Variants in SUMF1 observed in about 807,000 individuals in gnomAD.
SUMF1 encodes the protein sulfatase modifying factor 1, also known as formylglycine-generating enzyme.
In SUMF1, 48 loss-of-function variants were observed where a neutral mutation model predicts 47.6. The observed-to-expected ratio is 1.01, with a 90% CI of 0.80 to 1.28. The LOEUF (loss-of-function observed/expected upper bound fraction) is 1.28. SUMF1 is among the 50% of genes most tolerant of loss of function. SUMF1 has a pLI of 0.00. For missense variants in SUMF1, 571 were observed against 485.4 expected, an observed-to-expected ratio of 1.18 and a Z score of -1.66; for synonymous variants, 230 against 192.1, an observed-to-expected ratio of 1.20 and a Z score of -1.63.
intron 8 of SUMF1, among the ~76,000 whole-genome samples, chr3:4,166,394 C>T (rs1694706961): frequency 6.6e-6 from 1 of 152,112 alleles, no homozygotes; most frequent in Admixed American, 6.5e-5. Flanking sequence ...ATCCTAGCTT[C>T]ATGAATAGCC....
chr3:4,116,121 T>C (rs1019090149), intron 8 of SUMF1, among the ~76,000 whole-genome samples: 1 of 152,136 alleles, frequency 6.6e-6, no homozygotes, highest in African/African-American at 2.4e-5. Flanking sequence ...AGGCCACAGT[T>C]AACATCATCC....
chr3:4,116,656 A>G lies in SUMF1; in HGVS notation c.1015-47911T>C, dbSNP rs575524584. Among the ~76,000 whole-genome samples the G allele has an allele frequency of 2.0e-5, 3 of 152,250 alleles. No individual in the cohort carries two copies. In the East Asian group the frequency reaches 5.8e-4, roughly 29 times the overall value. On this transcript the variant is annotated intron_variant and NMD_transcript_variant, in intron 8 of 12. Coordinates refer to the SUMF1 transcript ENST00000448413. ...TATCCTTTCTTTTATATGAAAAGCA[A>G]TAAACCAGTGACCCATGCTTTTCAC...
intron 8 of SUMF1, among the ~76,000 whole-genome samples, chr3:4,188,837 C>G (rs1232184468): frequency 6.6e-6 from 1 of 152,036 alleles, no homozygotes; most frequent in Non-Finnish European, 1.5e-5. Flanking sequence ...ACATGGTATC[C>G]CTATTATGCC....
At chr3:4,251,233 A>C (rs1177269135) in intron 8 of SUMF1, among the ~76,000 whole-genome samples, 2 of 152,216 alleles carry the variant, frequency 1.3e-5, no homozygotes, top group Admixed American at 6.5e-5. Flanking sequence ...GGAGGAAGTA[A>C]CTGCCTATGT....
At chr3:4,049,720 T>C (rs1472081505) in intron 9 of SUMF1, among the ~76,000 whole-genome samples, 1 of 152,126 alleles carries the variant, frequency 6.6e-6, no homozygotes, top group Non-Finnish European at 1.5e-5. Context: ...GCGGGCAGCT[T>C]ATCTGTTAAC....
At chr3:4,381,725 C>G (rs910969806) in intron 7 of SUMF1, among the ~76,000 whole-genome samples, 3 of 152,084 alleles carry the variant, frequency 2.0e-5, no homozygotes, top group Non-Finnish European at 2.9e-5. Flanking sequence ...ATAATTAATG[C>G]AGAAAGAGTA....
At chr3:4,201,767 G>A (rs748733211) in intron 8 of SUMF1, among the ~76,000 whole-genome samples, 6 of 151,888 alleles carry the variant, frequency 4.0e-5, no homozygotes, top group African/African-American at 9.7e-5. Context: ...CCAACAGTAC[G>A]AGGGTTCCCT....
intron 1 of SUMF1, among the ~76,000 whole-genome samples, chr3:4,455,034 T>G (rs1703109053): frequency 6.6e-6 from 1 of 152,240 alleles, no homozygotes; most frequent in Non-Finnish European, 1.5e-5. Flanking sequence ...TAAAAACCAC[T>G]GAATTGTACA....
At chr3:4,457,007 TACGTGTGTGTAC>T (rs1559313205) in intron 1 of SUMF1, among the ~76,000 whole-genome samples, 2 of 143,696 alleles carry the variant, frequency 1.4e-5, no homozygotes, top group Non-Finnish European at 3.0e-5. Flanking sequence ...TGTATATATA[TACGTGTGTGTAC>T]ATATATATAC....
At chr3:4,334,487 A>G (rs13096900) in intron 8 of SUMF1, among the ~76,000 whole-genome samples, 1 of 152,224 alleles carries the variant, frequency 6.6e-6, no homozygotes, top group African/African-American at 2.4e-5. Flanking sequence ...GAGGGTATAG[A>G]CCACATTTCT....
intron 8 of SUMF1, among the ~76,000 whole-genome samples, chr3:4,289,201 T>A (rs977129342): frequency 2.0e-5 from 3 of 152,236 alleles, no homozygotes; most frequent in African/African-American, 7.2e-5. Flanking sequence ...AAACTCAGAC[T>A]GGAGGTGAAA....
At chr3:4,224,150 G>T (rs561209827) in intron 8 of SUMF1, among the ~76,000 whole-genome samples, 1 of 152,236 alleles carries the variant, frequency 6.6e-6, no homozygotes, top group South Asian at 2.1e-4. Flanking sequence ...AATCAGTCAT[G>T]ATTCCTATGA....
chr3:4,301,655 G>A (rs544932089), intron 8 of SUMF1, among the ~76,000 whole-genome samples: 1 of 152,304 alleles, frequency 6.6e-6, no homozygotes, highest in African/African-American at 2.4e-5. Context: ...TGAAGTGAAG[G>A]AATACAGAGT....
chr3:4,084,902 T>C (rs765475760), intron 8 of SUMF1, among the ~76,000 whole-genome samples: 2 of 152,108 alleles, frequency 1.3e-5, no homozygotes, highest in Non-Finnish European at 2.9e-5. Context: ...TTCCCAGTTT[T>C]CAACATAACA....
At chr3:4,358,141 T>C (rs1699663290), downstream of SUMF1, among the ~76,000 whole-genome samples, 1 of 152,028 alleles carries the variant, frequency 6.6e-6, no homozygotes, top group Admixed American at 6.6e-5. Context: ...TTACCACCCG[T>C]ATTTCCCCCA....
intron 7 of SUMF1, among the ~76,000 whole-genome samples, chr3:4,383,438 G>C (rs1345961540): frequency 2.0e-5 from 3 of 151,946 alleles, no homozygotes; most frequent in East Asian, 1.9e-4. Context: ...CAAATAAATA[G>C]CAAGGGAGGA....
At position 4,055,642 on chromosome 3, in the gene SUMF1, C is replaced by T. The variant is rs74553267; in HGVS notation, c.1191+12927G>A. On this transcript the variant is annotated intron_variant and NMD_transcript_variant, in intron 9 of 12. Transcript: ENST00000448413. ...GGACTACAGATGCACACCACCATGCCCCACTCATTTTTACATTTTTTGTAG... is the reference window on the plus strand; with the variant it reads ...GGACTACAGATGCACACCACCATGCTCCACTCATTTTTACATTTTTTGTAG... 7.5e-3 allele frequency among the ~76,000 whole-genome samples: 1,143 copies of T among 152,156 alleles called. 16 individuals are homozygous for T. Among genetic ancestry groups the T allele is most frequent in the African/African-American group, 0.026 (1,062 of 41,508 alleles).
intron 8 of SUMF1, among the ~76,000 whole-genome samples, chr3:4,288,866 C>T (rs1170964152): frequency 6.6e-6 from 1 of 152,010 alleles, no homozygotes; most frequent in Non-Finnish European, 1.5e-5. Context: ...TTAATTTCTG[C>T]CCCCAAAGGA....
At position 4,075,059 on chromosome 3, in the gene SUMF1, C is replaced by T. The variant is rs139467542; in HGVS notation, c.1015-6314G>A. Among the ~76,000 whole-genome samples, 241 of 152,198 alleles carry T rather than the reference C, an allele frequency of 1.6e-3. 4 individuals are homozygous for T. Among genetic ancestry groups the T allele is most frequent in the African/African-American group, 5.6e-3 (232 of 41,484 alleles). The stretch of plus-strand genomic sequence containing the variant: ...ACAACAAAAAAAAGGGAATTTTAGG[C>T]CAATATCCCTGATGAACATCAATGT... On this transcript the variant is annotated intron_variant and NMD_transcript_variant, in intron 8 of 12. Coordinates refer to the SUMF1 transcript ENST00000448413.
Sources: allele counts gnomAD v4.1 joint callset (sites outside exome capture counted in the v4.1 genomes callset), GRCh38; gene constraint gnomAD v4.1.1; transcripts MANE v1.5; gene names NCBI Gene and HGNC (gene_info 2026-07-23, HGNC 2026-07-21).